Variants in TRIM29 observed in about 807,000 individuals in gnomAD.
The protein encoded by TRIM29 is tripartite motif-containing protein 29.
A neutral mutation model predicts 57.3 loss-of-function variants in TRIM29; 52 were observed. The ratio of observed to expected loss-of-function variants is 0.91; its 90% CI spans 0.73 to 1.14. TRIM29 has a LOEUF of 1.14. Among genes scored for constraint, TRIM29 ranks in the 50% most tolerant of loss-of-function variants. TRIM29 has a pLI of 0.00. For synonymous variants in TRIM29, 319 were observed against 316.9 expected (o/e 1.01, Z -0.07); for missense variants, 753 against 774.6 (o/e 0.97, Z 0.33).
intron 1 of TRIM29, among the ~76,000 whole-genome samples, chr11:120,129,355 G>T (rs779398938): frequency 5.3e-5 from 8 of 152,170 alleles, no homozygotes; most frequent in Non-Finnish European, 1.0e-4. Context: ...CCTCTGTTCT[G>T]CTGGGCTGTC....
In TRIM29 at chr11:120,138,105, G is replaced by T. The variant is rs1337914214; in HGVS notation, c.-74C>A. On this transcript the variant is annotated 5_prime_UTR_variant, in exon 1 of 9. Transcript: ENST00000341846. ...GGTGACCTTTCTGGCAGGCGTCTCG[G>T]CAGGGAGTGGGGCAGGCAACCACGA... The T allele has an allele frequency of 4.1e-6, 6 of 1,451,680 alleles. No individual in the cohort carries two copies. In the South Asian group the frequency reaches 5.5e-5, roughly 13 times the overall value. 89.9% of individuals were successfully genotyped at this position (1,451,680 alleles called of 1,614,324 possible).
At chr11:120,123,647 A>T (rs1309781021) in intron 4 of TRIM29, among the ~76,000 whole-genome samples, 1 of 152,044 alleles carries the variant, frequency 6.6e-6, no homozygotes, top group Non-Finnish European at 1.5e-5. Flanking sequence ...ACTCAAACAG[A>T]TCTGCTGCTC....
In TRIM29 at chr11:120,119,276, C is replaced by A. The variant is rs3781669; in HGVS notation, c.1529-955G>T. On this transcript the variant is annotated intron_variant, in intron 6 of 8. Transcript: ENST00000341846. ...GACGCACACTTCTCCAGCACCACAC[C>A]CCCACCTGCCAGGCTTGAAGCATCA... 0.015 allele frequency among the ~76,000 whole-genome samples: 2,307 copies of A among 152,246 alleles called. 107 individuals carry two copies. In the East Asian group the frequency reaches 0.15, roughly 10 times the overall value.
intron 4 of TRIM29, 189 bp from the exon 5 acceptor site, chr11:120,123,244 TG>T (rs1362103112): frequency 1.4e-6 from 1 of 698,168 alleles, no homozygotes; most frequent in Non-Finnish European, 2.6e-6. Context: ...GAGCTCTTGG[TG>T]GAGAAGGTGT....
In TRIM29 at chr11:120,137,149, C is replaced by T; in HGVS notation, c.804+79G>A. On this transcript the variant is annotated intron_variant, in intron 1 of 8. Coordinates refer to ENST00000341846, the MANE Select transcript of TRIM29 (RefSeq NM_012101.4). This position sits in a 1 kb window ranked among gnomAD's most constrained non-coding sequence, Gnocchi z 6.2. ...CTTAAGCCCCAAACCCGAGGAAGCC[C>T]GAGTGGAGAAGATGAAGTTCGGAGG... 1 of 1,511,824 alleles carries T rather than the reference C, an allele frequency of 6.6e-7. No homozygotes were observed. Among genetic ancestry groups the T allele is most frequent in the South Asian group, 1.2e-5 (1 of 83,838 alleles). 93.7% of individuals were successfully genotyped at this position (1,511,824 alleles called of 1,614,324 possible). A position where few individuals can be genotyped will look rare whatever the true frequency, so the allele number is the denominator to read the frequency against.
At position 120,123,063 on chromosome 11, in the gene TRIM29, G is replaced by A; in HGVS notation, c.1334-8C>T. On this transcript the variant is annotated splice_region_variant and splice_polypyrimidine_tract_variant and intron_variant, in intron 4 of 8. Coordinates refer to ENST00000341846, the MANE Select transcript of TRIM29 (RefSeq NM_012101.4). ...CATAGCGATGGTCACCACCTAGGAA[G>A]CAGAGGGTCGGGTCAGCAGAGGAGC... 6.2e-7 allele frequency: 1 copy of A among 1,613,926 alleles called. No homozygotes were observed. The highest frequency in any genetic ancestry group is 8.5e-7 in the Non-Finnish European group (1 of 1,179,820).
At chr11:120,118,119 C>A (rs1565313208) in intron 7 of TRIM29, 104 bp downstream of exon 7, 2 of 1,064,312 alleles carry the variant, frequency 1.9e-6, no homozygotes, top group Non-Finnish European at 2.8e-6. Flanking sequence ...CTCTCCTCCA[C>A]GAGGTGAGGG....
At position 120,138,086 on chromosome 11, in the gene TRIM29, C is replaced by T. The variant is rs1863859029; in HGVS notation, c.-55G>A. 1 of 1,496,968 alleles carries T rather than the reference C, an allele frequency of 6.7e-7. No homozygotes were observed. Among genetic ancestry groups the T allele is most frequent in the Admixed American group, 2.3e-5 (1 of 44,382 alleles). The allele number at this position is 1,496,968 out of a possible 1,614,324, so 92.7% of individuals were successfully genotyped here. ...CTTGCTGGGGTTCAGGATAGGTGAC[C>T]TTTCTGGCAGGCGTCTCGGCAGGGA... On this transcript the variant is annotated 5_prime_UTR_variant, in exon 1 of 9. Coordinates refer to ENST00000341846, the MANE Select transcript of TRIM29 (RefSeq NM_012101.4).
chr11:120,124,489 A>T (rs953178405), intron 4 of TRIM29: 1 of 152,286 alleles, frequency 6.6e-6, no homozygotes, highest in African/African-American at 2.4e-5. Context: ...GCGCCCTTTG[A>T]AAGGATGCTT....
rs1461660413 is a variant in TRIM29, at chr11:120,137,652, A to T, written c.380T>A (p.Leu127Gln). 1.2e-6 allele frequency: 2 copies of T among 1,613,460 alleles called. No individual in the cohort carries two copies. The highest frequency in any genetic ancestry group is 1.7e-6 in the Non-Finnish European group (2 of 1,179,964). ...GGACTCCGAGAAAATGGACTTGCGCAGCTCGCCCTTTTCGGCAAAGGTAAC... is the reference window on the plus strand; with the variant it reads ...GGACTCCGAGAAAATGGACTTGCGCTGCTCGCCCTTTTCGGCAAAGGTAAC... ...PPVTFAEKGELRKSIFSESRK... is the reference protein window; with the variant it reads ...PPVTFAEKGEQRKSIFSESRK... The change falls in exon 1 of 9, where the codon CTG becomes CAG. Residue 127 changes from leucine to glutamine, a missense_variant. By Grantham distance (113) the Leu-to-Gln change is moderately radical. Coordinates refer to ENST00000341846, the MANE Select transcript of TRIM29 (RefSeq NM_012101.4). This position sits in a 1 kb window ranked among gnomAD's most constrained non-coding sequence, Gnocchi z 6.2.
chr11:120,112,403 CCG>C lies in TRIM29; in HGVS notation c.*9_*10del. ...GCAGGGGTGTGGCGCCTCGTTCCTTCCGCCAGGAGCTCATGGGGCTTCGTTGG... is the reference window on the plus strand; with the variant it reads ...GCAGGGGTGTGGCGCCTCGTTCCTTCCCAGGAGCTCATGGGGCTTCGTTGG... On this transcript the variant is annotated 3_prime_UTR_variant, in exon 9 of 9. Transcript: ENST00000341846. 6.2e-7 allele frequency: 1 copy of C among 1,613,616 alleles called. No individual in the cohort carries two copies. The highest frequency in any genetic ancestry group is 8.5e-7 in the Non-Finnish European group (1 of 1,179,722).
At chr11:120,135,757 G>A (rs1381881867) in intron 1 of TRIM29, among the ~76,000 whole-genome samples, 1 of 152,164 alleles carries the variant, frequency 6.6e-6, no homozygotes, top group African/African-American at 2.4e-5. Context: ...AGAGATGAAG[G>A]GAAAGAGTAA....
At position 120,115,331 on chromosome 11, in the gene TRIM29, C is replaced by T; in HGVS notation, c.1704+7G>A. Reference sequence around the variant, plus strand: ...TGCCCAGGCCCTCCCGGCAGCACTTCCCTTACCAGCATAGTCTGCTTGCCA... The same window carrying T: ...TGCCCAGGCCCTCCCGGCAGCACTTTCCTTACCAGCATAGTCTGCTTGCCA... On this transcript the variant is annotated splice_region_variant and intron_variant, in intron 8 of 8. Coordinates refer to ENST00000341846, the MANE Select transcript of TRIM29 (RefSeq NM_012101.4). 6.2e-7 allele frequency: 1 copy of T among 1,612,866 alleles called. No homozygotes were observed. The highest frequency in any genetic ancestry group is 8.5e-7 in the Non-Finnish European group (1 of 1,179,618).
At chr11:120,113,502 A>G in intron 8 of TRIM29, 1 of 404,364 alleles carries the variant, frequency 2.5e-6, no homozygotes, top group Non-Finnish European at 5.0e-6. Context: ...GCAGATCCCA[A>G]TACAGGAGAC....
chr11:120,135,937 G>C (rs1863805394), intron 1 of TRIM29, among the ~76,000 whole-genome samples: 1 of 152,174 alleles, frequency 6.6e-6, no homozygotes, highest in African/African-American at 2.4e-5. Context: ...TTAGGGAAGA[G>C]TGAGCCCCAC....
intron 1 of TRIM29, among the ~76,000 whole-genome samples, chr11:120,129,622 C>A (rs1376697199): frequency 2.6e-5 from 4 of 152,214 alleles, no homozygotes; most frequent in Admixed American, 2.6e-4. Flanking sequence ...ACATGCAACA[C>A]CATGCGGCAC....
At position 120,137,788 on chromosome 11, in the gene TRIM29, A is replaced by G; in HGVS notation, c.244T>C (p.Phe82Leu). 6.2e-7 allele frequency: 1 copy of G among 1,612,380 alleles called. No homozygotes were observed. Among genetic ancestry groups the G allele is most frequent in the East Asian group, 2.2e-5 (1 of 44,840 alleles). ...GNEWRRPIIQ[F>L]VESGDDKNSN... Reference sequence around the variant, plus strand: ...TTCTTGTCGTCCCCGGACTCGACAAACTGGATGATGGGTCGCCGCCACTCA... The same window carrying G: ...TTCTTGTCGTCCCCGGACTCGACAAGCTGGATGATGGGTCGCCGCCACTCA... The change falls in exon 1 of 9, where the codon TTT becomes CTT. Residue 82 changes from phenylalanine (F) to leucine (L), a missense_variant. Transcript: ENST00000341846. The surrounding 1 kb of genome is among the most constrained non-coding windows in gnomAD (Gnocchi z 6.2).
intron 7 of TRIM29, 161 bp from the exon 8 acceptor site, chr11:120,115,575 G>A (rs560853008): frequency 5.0e-5 from 32 of 636,356 alleles, no homozygotes; most frequent in Middle Eastern, 2.6e-4. Flanking sequence ...CCAGGGTGCC[G>A]CAACCGAAAA....
At chr11:120,131,645 T>C (rs1591330442) in intron 1 of TRIM29, among the ~76,000 whole-genome samples, 1 of 151,562 alleles carries the variant, frequency 6.6e-6, no homozygotes, top group South Asian at 2.1e-4. Flanking sequence ...GGAGTTCCCA[T>C]GGACTGGGAA....
Sources: allele counts gnomAD v4.1 joint callset (sites outside exome capture counted in the v4.1 genomes callset), GRCh38; gene constraint gnomAD v4.1.1; non-coding constraint Gnocchi (gnomAD v3.1); transcripts MANE v1.5; gene names NCBI Gene and HGNC (gene_info 2026-07-23, HGNC 2026-07-21).